Variants in SDCCAG8 observed in about 807,000 individuals in gnomAD.
SDCCAG8 encodes serologically defined colon cancer antigen 8.
A neutral mutation model predicts 101.8 loss-of-function variants in SDCCAG8; 74 were observed. The observed-to-expected ratio is 0.73, with a 90% CI of 0.60 to 0.88. The LOEUF (loss-of-function observed/expected upper bound fraction) is 0.88. Among genes scored for constraint, SDCCAG8 ranks in the 40% least tolerant of loss-of-function variants. SDCCAG8 has a pLI of 0.00. For missense variants in SDCCAG8, 787 were observed against 822.6 expected (o/e 0.96, Z 0.53); for synonymous variants, 281 against 292.9 (o/e 0.96, Z 0.41).
intron 10 of SDCCAG8, among the ~76,000 whole-genome samples, chr1:243,336,473 C>T (rs554602176): frequency 1.4e-4 from 21 of 152,200 alleles, no homozygotes; most frequent in South Asian, 1.0e-3. Flanking sequence ...GCAGGCTGAA[C>T]GGGAAGAATG....
At chr1:243,392,678 A>G (rs956250022) in intron 13 of SDCCAG8, among the ~76,000 whole-genome samples, 1 of 152,246 alleles carries the variant, frequency 6.6e-6, no homozygotes, top group Non-Finnish European at 1.5e-5. Flanking sequence ...TGATTTGCAC[A>G]AAGAATTATC....
intron 12 of SDCCAG8, among the ~76,000 whole-genome samples, chr1:243,346,785 G>GA (rs1368821219): frequency 6.6e-6 from 1 of 152,138 alleles, no homozygotes; most frequent in Non-Finnish European, 1.5e-5. Context: ...TCTTGCACCA[G>GA]AAAAAGAGGC....
At chr1:243,412,471 G>A (rs147903176) in intron 13 of SDCCAG8, among the ~76,000 whole-genome samples, 2 of 152,190 alleles carry the variant, frequency 1.3e-5, no homozygotes, top group African/African-American at 2.4e-5. Context: ...CATCCAGGCC[G>A]CAAGCAGAGT....
chr1:243,492,855 C>T (rs1666911317), intron 17 of SDCCAG8, among the ~76,000 whole-genome samples: 2 of 152,136 alleles, frequency 1.3e-5, no homozygotes, highest in African/African-American at 4.8e-5. Context: ...GATCTGCCCA[C>T]CTTGGCCTCC....
chr1:243,455,716 C>T (rs974558687), intron 16 of SDCCAG8, among the ~76,000 whole-genome samples: 1 of 152,088 alleles, frequency 6.6e-6, no homozygotes, highest in African/African-American at 2.4e-5. Flanking sequence ...TTAAGCAAAC[C>T]CAACATATTA....
intron 17 of SDCCAG8, among the ~76,000 whole-genome samples, chr1:243,497,883 T>C (rs1264914348): frequency 6.6e-6 from 1 of 152,192 alleles, no homozygotes; most frequent in Non-Finnish European, 1.5e-5. Context: ...GGTCTCACTA[T>C]GTTGCCCAGG....
intron 8 of SDCCAG8, among the ~76,000 whole-genome samples, chr1:243,312,423 A>G (rs1369384230): frequency 2.0e-5 from 3 of 152,156 alleles, no homozygotes; most frequent in Middle Eastern, 3.4e-3. Context: ...GAATGGCTTG[A>G]TGGCCAGGCA....
chr1:243,434,433 CT>C (rs1298185513), intron 16 of SDCCAG8, among the ~76,000 whole-genome samples: 3 of 152,094 alleles, frequency 2.0e-5, no homozygotes, highest in Non-Finnish European at 4.4e-5. Context: ...TAAAATTATA[CT>C]CTTATGAAGA....
intron 12 of SDCCAG8, among the ~76,000 whole-genome samples, chr1:243,348,250 C>G (rs2075857461): frequency 6.7e-6 from 1 of 148,208 alleles, no homozygotes; most frequent in African/African-American, 2.5e-5. Context: ...CGGGGTTTCG[C>G]CGTGTTAGCC....
chr1:243,320,550 G>A (rs539202887), intron 9 of SDCCAG8, among the ~76,000 whole-genome samples: 2 of 152,102 alleles, frequency 1.3e-5, no homozygotes, highest in Non-Finnish European at 2.9e-5. Context: ...GAGGGCTTAG[G>A]GGGTGAACAT....
rs145163428 is a variant in SDCCAG8, at chr1:243,350,394, T to G, written c.1473+6063T>G. Among the ~76,000 whole-genome samples, 267 of 152,134 alleles carry G rather than the reference T, an allele frequency of 1.8e-3. 2 individuals carry two copies. Among genetic ancestry groups the G allele is most frequent in the African/African-American group, 6.0e-3 (250 of 41,496 alleles). ...CAGCTATTTTGTTGTTGTTGTTGTT[T>G]TTTAGTAGGGACAGGGTTTTACCGT... On this transcript the variant is annotated intron_variant, in intron 12 of 17. Coordinates refer to ENST00000366541, the MANE Select transcript of SDCCAG8 (RefSeq NM_006642.5).
intron 4 of SDCCAG8, among the ~76,000 whole-genome samples, chr1:243,278,223 A>G (rs548852407): frequency 8.4e-4 from 128 of 152,020 alleles, no homozygotes; most frequent in Non-Finnish European, 1.1e-3. Flanking sequence ...ATTTATACCT[A>G]TTTCATTTTA....
chr1:243,446,781 C>T (rs1236884509), intron 16 of SDCCAG8, among the ~76,000 whole-genome samples: 1 of 152,100 alleles, frequency 6.6e-6, no homozygotes, highest in African/African-American at 2.4e-5. Flanking sequence ...ACCTCATGTA[C>T]AGGTTTTCAG....
intron 9 of SDCCAG8, among the ~76,000 whole-genome samples, chr1:243,321,093 T>C (rs2073719802): frequency 6.6e-6 from 1 of 152,218 alleles, no homozygotes; most frequent in Admixed American, 6.5e-5. Flanking sequence ...ACCTACTCAA[T>C]GCTAGTAGCT....
At chr1:243,348,686 A>G (rs2075890808) in intron 12 of SDCCAG8, among the ~76,000 whole-genome samples, 1 of 151,770 alleles carries the variant, frequency 6.6e-6, no homozygotes, top group Admixed American at 6.6e-5. Flanking sequence ...TACAAAACAC[A>G]ATTCTAGCCG....
intron 16 of SDCCAG8, among the ~76,000 whole-genome samples, chr1:243,431,385 C>A (rs528442749): frequency 2.4e-4 from 37 of 151,974 alleles, no homozygotes; most frequent in Non-Finnish European, 4.6e-4. Context: ...AGGACGACAC[C>A]CATATTTCTG....
intron 16 of SDCCAG8, among the ~76,000 whole-genome samples, chr1:243,483,217 C>A (rs1664104330): frequency 6.6e-6 from 1 of 152,166 alleles, no homozygotes; most frequent in Non-Finnish European, 1.5e-5. Context: ...AGGCGGCGGG[C>A]GCCCGGGTCT....
intron 10 of SDCCAG8, among the ~76,000 whole-genome samples, chr1:243,340,056 T>C (rs1485347410): frequency 2.0e-5 from 3 of 152,242 alleles, no homozygotes; most frequent in African/African-American, 7.2e-5. Flanking sequence ...AAAGCATTTC[T>C]AATCTTGAGA....
chr1:243,310,094 C>T (rs1473251485), intron 8 of SDCCAG8, among the ~76,000 whole-genome samples: 1 of 152,038 alleles, frequency 6.6e-6, no homozygotes, highest in Non-Finnish European at 1.5e-5. Flanking sequence ...GATCTCTTGA[C>T]CTCATGATCC....
Sources: allele counts gnomAD v4.1 joint callset (sites outside exome capture counted in the v4.1 genomes callset), GRCh38; gene constraint gnomAD v4.1.1; transcripts MANE v1.5; gene names NCBI Gene and HGNC (gene_info 2026-07-23, HGNC 2026-07-21).